HDX: variants seen among roughly 807,000 people sequenced by gnomAD.
The protein encoded by HDX is highly divergent homeobox, also known as chromosome X open reading frame 43.
In HDX, 19 loss-of-function variants were observed where a neutral mutation model predicts 45.2. That is an observed-to-expected ratio of 0.42 (90% CI 0.29 to 0.62). The LOEUF (loss-of-function observed/expected upper bound fraction) is 0.62, where lower values mean the gene tolerates loss of function less well. HDX is among the 20% of genes least tolerant of loss of function. HDX has a pLI of 0.20. For missense variants in HDX, 532 were observed against 493.9 expected, an observed-to-expected ratio of 1.08 and a Z score of -0.73; for synonymous variants, 188 against 172.8, an observed-to-expected ratio of 1.09 and a Z score of -0.69.
chrX:84,451,428 T>A (rs1248897116), intron 4 of HDX, among the ~76,000 whole-genome samples: 1 of 110,126 alleles, frequency 9.1e-6, no homozygotes, highest in Non-Finnish European at 1.9e-5. Flanking sequence ...CTAGAGGAAA[T>A]GGATACGTTT....
intron 5 of HDX, among the ~76,000 whole-genome samples, chrX:84,392,389 G>A (rs990422692): frequency 2.7e-5 from 3 of 110,606 alleles, no homozygotes; most frequent in East Asian, 2.8e-4. Context: ...GATTGCTTTC[G>A]CTATTTGGGC....
chrX:84,427,125 A>G (rs886490472), intron 5 of HDX, among the ~76,000 whole-genome samples: 1 of 110,490 alleles, frequency 9.1e-6, no homozygotes, highest in African/African-American at 3.3e-5. Flanking sequence ...ATTTTTTATC[A>G]TAGTAGTTCT....
intron 5 of HDX, among the ~76,000 whole-genome samples, chrX:84,385,502 C>A (rs1233453354): frequency 3.6e-5 from 4 of 110,272 alleles, no homozygotes; most frequent in African/African-American, 6.6e-5. Flanking sequence ...CGTGAGCCAC[C>A]GCGCCCGGCC....
intron 5 of HDX, among the ~76,000 whole-genome samples, chrX:84,371,294 T>A (rs1437273281): frequency 8.9e-6 from 1 of 111,921 alleles, no homozygotes; most frequent in Non-Finnish European, 1.9e-5. Flanking sequence ...CCTCAGAGGA[T>A]TGCTAAAAAA....
In HDX at chrX:84,479,782, T is replaced by C. The variant is rs2040636807; in HGVS notation, c.1-4385A>G. On this transcript the variant is annotated intron_variant, in intron 2 of 10. Coordinates refer to ENST00000373177, the MANE Select transcript of HDX (RefSeq NM_001177479.2). ...CTAGTTGTGTAATTGAATATTATTG[T>C]TGTGGTTTTGTGTTTCTCTAGTGAC... Among the ~76,000 whole-genome samples, 3 of 111,719 alleles carry C rather than the reference T, an allele frequency of 2.7e-5. No individual in the cohort carries two copies. In the Admixed American group the frequency reaches 2.8e-4, roughly 11 times the overall value.
intron 6 of HDX, among the ~76,000 whole-genome samples, chrX:84,357,467 A>G (rs1159679736): frequency 8.9e-6 from 1 of 111,939 alleles, no homozygotes; most frequent in Non-Finnish European, 1.9e-5. Context: ...AAAAGGAAAA[A>G]ATGATATTTC....
chrX:84,411,045 A>G (rs57306593), intron 5 of HDX, among the ~76,000 whole-genome samples: 7,723 of 109,481 alleles, frequency 0.071, 317 homozygotes, highest in African/African-American at 0.16. Flanking sequence ...GTTTATTTGG[A>G]TCTTCTTTTT....
At chrX:84,373,451 A>C (rs781075676) in intron 5 of HDX, among the ~76,000 whole-genome samples, 111 of 111,197 alleles carry the variant, frequency 1.0e-3, no homozygotes, top group Middle Eastern at 4.6e-3. Flanking sequence ...GCAGAGACAC[A>C]ACCAAAAAAG....
At chrX:84,374,543 G>T (rs774539258) in intron 5 of HDX, among the ~76,000 whole-genome samples, 142 of 99,214 alleles carry the variant, frequency 1.4e-3, no homozygotes, top group African/African-American at 5.1e-3. Context: ...AACAGCATGG[G>T]ACTGGTACCA....
chrX:84,367,396 G>A (rs2037784847), intron 5 of HDX, among the ~76,000 whole-genome samples: 2 of 112,247 alleles, frequency 1.8e-5, no homozygotes, highest in African/African-American at 3.2e-5. Context: ...CTTTTACACT[G>A]GTGGTGGGAG....
chrX:84,419,695 G>A (rs1166059557), intron 5 of HDX, among the ~76,000 whole-genome samples: 3 of 112,017 alleles, frequency 2.7e-5, no homozygotes, highest in Non-Finnish European at 5.6e-5. Flanking sequence ...AGTGGTTACA[G>A]CAGGACTTAG....
intron 2 of HDX, among the ~76,000 whole-genome samples, chrX:84,478,336 G>T (rs1164928401): frequency 9.0e-6 from 1 of 111,472 alleles, no homozygotes; most frequent in Admixed American, 9.6e-5. Context: ...TAATTTTTTA[G>T]ATTTGTTGCT....
intron 5 of HDX, among the ~76,000 whole-genome samples, chrX:84,365,139 T>C (rs1050263209): frequency 5.4e-5 from 6 of 110,863 alleles, no homozygotes; most frequent in Non-Finnish European, 1.1e-4. Flanking sequence ...GTGGATAATA[T>C]GGTAATTCTA....
chrX:84,434,143 A>C (rs1462728083), intron 5 of HDX, among the ~76,000 whole-genome samples: 2 of 110,837 alleles, frequency 1.8e-5, no homozygotes, highest in Non-Finnish European at 3.8e-5. Flanking sequence ...GGATAATTTT[A>C]ATTTGTCCTT....
At chrX:84,494,062 TA>T (rs2148204490) in intron 1 of HDX, among the ~76,000 whole-genome samples, 1 of 111,569 alleles carries the variant, frequency 9.0e-6, no homozygotes, top group Admixed American at 9.5e-5. Flanking sequence ...TTCAAATGGA[TA>T]AACAGCTGAA....
chrX:84,389,885 G>A (rs1347478487), intron 5 of HDX, among the ~76,000 whole-genome samples: 1 of 111,098 alleles, frequency 9.0e-6, no homozygotes, highest in African/African-American at 3.3e-5. Flanking sequence ...TCGGGAATGC[G>A]TGGTCCCCTG....
chrX:84,378,328 A>G (rs1461911827), intron 5 of HDX, among the ~76,000 whole-genome samples: 3 of 111,897 alleles, frequency 2.7e-5, no homozygotes, highest in African/African-American at 9.7e-5. Context: ...CACAGGTAAT[A>G]GTAAGTACAC....
In HDX at chrX:84,408,499, G is replaced by GTTTTTTTT. The variant is rs1220751208; in HGVS notation, c.1305+32025_1305+32032dup. Reference sequence around the variant, plus strand: ...TGCATAAAGTGATGCCTCCAGCTTTGTTTTTTTTTTTTTTTTTTTTTTTGC... The same window carrying GTTTTTTTT: ...TGCATAAAGTGATGCCTCCAGCTTTGTTTTTTTTTTTTTTTTTTTTTTTTTTTTTTTGC... On this transcript the variant is annotated intron_variant, in intron 5 of 10. Transcript: ENST00000373177. 1.0e-3 allele frequency among the ~76,000 whole-genome samples: 45 copies of GTTTTTTTT among 44,416 alleles called. 4 individuals are homozygous for GTTTTTTTT. The highest frequency in any genetic ancestry group is 5.7e-3 in the East Asian group (7 of 1,220). The allele number at this position is 44,416 out of a possible 115,157, so 38.6% of individuals were successfully genotyped here.
chrX:84,408,507 T>G (rs73625986), intron 5 of HDX, among the ~76,000 whole-genome samples: 10 of 87,146 alleles, frequency 1.1e-4, no homozygotes, highest in African/African-American at 3.4e-4. Flanking sequence ...TTGTTTTTTT[T>G]TTTTTTTTTT....
Sources: allele counts gnomAD v4.1 joint callset (sites outside exome capture counted in the v4.1 genomes callset), GRCh38; gene constraint gnomAD v4.1.1; transcripts MANE v1.5; gene names NCBI Gene and HGNC (gene_info 2026-07-23, HGNC 2026-07-21).